Variants in WASL observed in about 807,000 individuals in gnomAD.
WASL encodes WASP like actin nucleation promoting factor.
WASL carries 20 observed loss-of-function variants against 55.5 expected under a neutral mutation model. The observed-to-expected ratio is 0.36, with a 90% confidence interval of 0.25 to 0.52. The LOEUF is 0.52. Among genes scored for constraint, WASL ranks in the 20% least tolerant of loss-of-function variants. WASL has a pLI of 0.92. For missense variants in WASL, 504 were observed against 622.5 expected, an observed-to-expected ratio of 0.81 and a Z score of 2.03; for synonymous variants, 249 against 217.6, an observed-to-expected ratio of 1.14 and a Z score of -1.27.
chr7:123,731,166 A>T (rs1804129846), intron 1 of WASL, among the ~76,000 whole-genome samples: 1 of 152,228 alleles, frequency 6.6e-6, no homozygotes, highest in Non-Finnish European at 1.5e-5. Flanking sequence ...ATACACACAC[A>T]TATATACATA....
chr7:123,711,141 C>A lies in WASL; in HGVS notation c.118-1918G>T, dbSNP rs117739194. Among the ~76,000 whole-genome samples the A allele has an allele frequency of 5.3e-3, 801 of 152,056 alleles. 5 individuals are homozygous for A. The highest frequency in any genetic ancestry group is 0.015 in the African/African-American group (632 of 41,496). On this transcript the variant is annotated intron_variant, in intron 1 of 10. Coordinates refer to ENST00000223023, the MANE Select transcript of WASL (RefSeq NM_003941.4). ...AGAAGTAACAGCTCACACACACACACAAAAAAGTTATTCAATAGGGTCTGA... is the reference window on the plus strand; with the variant it reads ...AGAAGTAACAGCTCACACACACACAAAAAAAAGTTATTCAATAGGGTCTGA...
chr7:123,694,689 GA>G, intron 8 of WASL, 25 bp downstream of exon 8: 1 of 1,608,776 alleles, frequency 6.2e-7, no homozygotes, highest in Admixed American at 1.7e-5. Context: ...AAACAAAACA[GA>G]ACGCTGAATA....
At chr7:123,720,872 C>T (rs556392320) in intron 1 of WASL, among the ~76,000 whole-genome samples, 228 of 151,066 alleles carry the variant, frequency 1.5e-3, no homozygotes, top group African/African-American at 5.4e-3. Context: ...AAAATATATA[C>T]ACGTTAAAAA....
In WASL at chr7:123,692,835, G is replaced by C. The variant is rs1158838186; in HGVS notation, c.859C>G (p.Pro287Ala). Residue 287 changes from proline (P) to alanine (A), a missense_variant, in exon 9 of 11, where the codon CCA (proline) becomes GCA (alanine). By Grantham distance (27) the Pro-to-Ala change is conservative. Transcript: ENST00000223023. ...PPPPPPSRGG[P>A]PPPPPPPHNS... ...TGTGGAGGGGGAGGAGGAGGAGGTGGCCCTCCCCTTGATGGTGGTGGAGGT... is the reference window on the plus strand; with the variant it reads ...TGTGGAGGGGGAGGAGGAGGAGGTGCCCCTCCCCTTGATGGTGGTGGAGGT... 4 of 1,391,328 alleles carry C rather than the reference G, an allele frequency of 2.9e-6. No individual in the cohort carries two copies. The highest frequency in any genetic ancestry group is 3.7e-6 in the Non-Finnish European group (4 of 1,068,960). 86.2% of individuals were successfully genotyped at this position (1,391,328 alleles called of 1,614,324 possible). A position where few individuals can be genotyped will look rare whatever the true frequency, so the allele number is the denominator to read the frequency against.
At chr7:123,743,818 T>G (rs1804387554) in intron 1 of WASL, among the ~76,000 whole-genome samples, 1 of 152,192 alleles carries the variant, frequency 6.6e-6, no homozygotes, top group African/African-American at 2.4e-5. Context: ...TTAAGAAATG[T>G]CCCTGTATTA....
chr7:123,746,357 G>C (rs746774145), intron 1 of WASL, among the ~76,000 whole-genome samples: 28 of 152,284 alleles, frequency 1.8e-4, no homozygotes, highest in Middle Eastern at 3.4e-3. Context: ...TGAATTCTTA[G>C]GTAGAGCTCT....
intron 1 of WASL, among the ~76,000 whole-genome samples, chr7:123,739,782 A>G (rs1198280540): frequency 1.3e-5 from 2 of 151,966 alleles, no homozygotes; most frequent in Non-Finnish European, 2.9e-5. Context: ...TCTGACATCA[A>G]TTCTCTAGGC....
chr7:123,719,670 G>C (rs934441362), intron 1 of WASL, among the ~76,000 whole-genome samples: 13 of 152,158 alleles, frequency 8.5e-5, no homozygotes, highest in African/African-American at 3.1e-4. Context: ...CTTCAGTACA[G>C]AGCACAAGCA....
intron 1 of WASL, among the ~76,000 whole-genome samples, chr7:123,732,343 T>C (rs555446450): frequency 7.3e-5 from 11 of 151,468 alleles, no homozygotes; most frequent in Non-Finnish European, 1.3e-4. Flanking sequence ...AAATAAAAAA[T>C]AAAAAATAAA....
At chr7:123,706,395 G>A (rs1803669678) in intron 3 of WASL, 22 bp from the exon 4 acceptor site, 4 of 1,593,808 alleles carry the variant, frequency 2.5e-6, no homozygotes, top group Non-Finnish European at 2.6e-6. Flanking sequence ...TCATCACAAA[G>A]GGGAAACAAC....
chr7:123,743,091 C>T lies in WASL; in HGVS notation c.117+5527G>A, dbSNP rs181104602. On this transcript the variant is annotated intron_variant, in intron 1 of 10. Coordinates refer to ENST00000223023, the MANE Select transcript of WASL (RefSeq NM_003941.4). ...GTGGCTCACACCTGTAATCCCAGCA[C>T]TTTGGGAGGTTGAAGCGGACAGATC... 3.2e-3 allele frequency among the ~76,000 whole-genome samples: 491 copies of T among 152,268 alleles called. 9 individuals are homozygous for T. Among genetic ancestry groups the T allele is most frequent in the Admixed American group, 0.025 (375 of 15,294 alleles).
chr7:123,700,203 A>AAAAAAAAACAAC (rs1562959037), intron 5 of WASL, among the ~76,000 whole-genome samples: 1 of 71,910 alleles, frequency 1.4e-5, no homozygotes, highest in Non-Finnish European at 2.9e-5. Flanking sequence ...AAAAAAAAAA[A>AAAAAAAAACAAC]AAAACAACAT....
chr7:123,684,558 A>ATCATCT lies in WASL; in HGVS notation c.1473_1478dup (p.Glu491_Asp492dup), dbSNP rs756596760. 2.1e-5 allele frequency: 30 copies of ATCATCT among 1,401,766 alleles called. No homozygotes were observed. Among genetic ancestry groups the ATCATCT allele is most frequent in the East Asian group, 5.1e-5 (2 of 39,594 alleles). The allele number at this position is 1,401,766 out of a possible 1,614,324, so 86.8% of individuals were successfully genotyped here. ...CATCATCATCCTCAAAATCTTCTTC[A>ATCATCT]TCATCTTCATCTTCATCTTCATCTA... On this transcript the variant is annotated inframe_insertion, in exon 11 of 11. Coordinates refer to ENST00000223023, the MANE Select transcript of WASL (RefSeq NM_003941.4).
At chr7:123,737,662 A>T (rs1804261102) in intron 1 of WASL, among the ~76,000 whole-genome samples, 1 of 150,382 alleles carries the variant, frequency 6.6e-6, no homozygotes, top group Non-Finnish European at 1.5e-5. Flanking sequence ...TGGTGTTGGG[A>T]CAACTAGCCA....
intron 1 of WASL, among the ~76,000 whole-genome samples, chr7:123,716,445 C>T (rs975671933): frequency 2.0e-5 from 3 of 151,824 alleles, no homozygotes; most frequent in South Asian, 2.1e-4. Flanking sequence ...GAACTCCTGA[C>T]GATCTGCTTG....
intron 1 of WASL, among the ~76,000 whole-genome samples, chr7:123,726,143 T>C (rs1045394237): frequency 2.6e-5 from 4 of 152,104 alleles, no homozygotes; most frequent in Admixed American, 2.6e-4. Flanking sequence ...TAATATATTA[T>C]ATAAGGATGG....
chr7:123,746,606 A>G (rs1258687899), intron 1 of WASL, among the ~76,000 whole-genome samples: 1 of 152,266 alleles, frequency 6.6e-6, no homozygotes, highest in African/African-American at 2.4e-5. Flanking sequence ...CCACAAAAGC[A>G]GACAACTGAA....
rs1803484551 is a variant in WASL, at chr7:123,695,922, A to G, written c.630-57T>C. 16 of 1,538,826 alleles carry G rather than the reference A, an allele frequency of 1.0e-5. No individual in the cohort carries two copies. In the South Asian group the frequency reaches 1.4e-4, roughly 13 times the overall value. The stretch of plus-strand genomic sequence containing the variant: ...ACAAAATGCATAAAGGGCATTATAA[A>G]CACAATATATATGAAACCCAATCTA... On this transcript the variant is annotated intron_variant, in intron 6 of 10. Transcript: ENST00000223023.
chr7:123,701,480 T>C (rs1157773227), intron 5 of WASL, among the ~76,000 whole-genome samples: 1 of 152,144 alleles, frequency 6.6e-6, no homozygotes, highest in African/African-American at 2.4e-5. Context: ...TGAGAACAAA[T>C]CATTGGAAAG....
Sources: gnomAD v4.1 joint callset for allele counts (sites outside exome capture counted in the v4.1 genomes callset) on GRCh38, gnomAD v4.1.1 for gene constraint, MANE v1.5 for transcripts, NCBI Gene and HGNC (gene_info 2026-07-23, HGNC 2026-07-21) for gene names.